The following GRM8 variants were observed in gnomAD, a reference collection of about 807,000 sequenced individuals.
GRM8 encodes glutamate metabotropic receptor 8.
In GRM8, 47 loss-of-function variants were observed where a neutral mutation model predicts 87.2. That is an observed-to-expected ratio of 0.54 (90% confidence interval 0.43 to 0.69). The LOEUF is 0.69. Ranked by LOEUF, GRM8 falls within the 30% of genes least tolerant of loss-of-function variation. GRM8 has a pLI of 0.00. For synonymous variants in GRM8, 396 were observed against 404.5 expected, an observed-to-expected ratio of 0.98 and a Z score of 0.25; for missense variants, 1,019 against 1,139.2, an observed-to-expected ratio of 0.89 and a Z score of 1.52.
At chr7:126,856,683 T>C (rs370233975) in intron 6 of GRM8, among the ~76,000 whole-genome samples, 1 of 152,184 alleles carries the variant, frequency 6.6e-6, no homozygotes, top group East Asian at 1.9e-4. Context: ...GAATTGGAAA[T>C]GGGAGCAAAT....
chr7:127,051,168 C>G (rs998778535), intron 3 of GRM8, among the ~76,000 whole-genome samples: 1 of 152,094 alleles, frequency 6.6e-6, no homozygotes, highest in African/African-American at 2.4e-5. Flanking sequence ...AAAGGTGGTC[C>G]CCACTTGGGA....
At chr7:126,677,155 C>G (rs1383447254) in intron 7 of GRM8, among the ~76,000 whole-genome samples, 1 of 152,006 alleles carries the variant, frequency 6.6e-6, no homozygotes, top group Non-Finnish European at 1.5e-5. Context: ...AATGAGATAC[C>G]ACCTATTCAG....
intron 3 of GRM8, among the ~76,000 whole-genome samples, chr7:126,958,130 T>C (rs1045929094): frequency 1.3e-5 from 2 of 152,172 alleles, no homozygotes; most frequent in African/African-American, 4.8e-5. Flanking sequence ...TCCTGAGAGC[T>C]GCTTTGTTGC....
At chr7:126,646,504 T>C (rs1265733804) in intron 7 of GRM8, among the ~76,000 whole-genome samples, 1 of 152,166 alleles carries the variant, frequency 6.6e-6, no homozygotes, top group Admixed American at 6.5e-5. Context: ...GCATTGAAAC[T>C]TCCATTTCAA....
chr7:126,957,412 C>T (rs1447076383), intron 3 of GRM8, among the ~76,000 whole-genome samples: 1 of 152,122 alleles, frequency 6.6e-6, no homozygotes, highest in Non-Finnish European at 1.5e-5. Context: ...AGTTGGAGTC[C>T]CATGCTTCTG....
At chr7:126,747,247 T>C (rs1815804781) in intron 7 of GRM8, among the ~76,000 whole-genome samples, 1 of 152,046 alleles carries the variant, frequency 6.6e-6, no homozygotes, top group African/African-American at 2.4e-5. Context: ...TTGCTATTAC[T>C]GTTTCATGCT....
chr7:126,678,881 G>A (rs1196772449), intron 7 of GRM8, among the ~76,000 whole-genome samples: 1 of 152,054 alleles, frequency 6.6e-6, no homozygotes, highest in African/African-American at 2.4e-5. Flanking sequence ...TATTGTAACT[G>A]GTAATTTGGA....
intron 3 of GRM8, among the ~76,000 whole-genome samples, chr7:126,967,864 A>G (rs1029907249): frequency 7.9e-5 from 12 of 152,214 alleles, no homozygotes; most frequent in African/African-American, 2.9e-4. Context: ...CAACTGGTTA[A>G]GTTTAAACCA....
intron 7 of GRM8, among the ~76,000 whole-genome samples, chr7:126,696,631 A>G (rs191007232): frequency 2.0e-5 from 3 of 152,182 alleles, no homozygotes; most frequent in African/African-American, 7.2e-5. Flanking sequence ...CTTTTCTCTC[A>G]TGAAATAAGA....
rs569831428 is a variant in GRM8, at chr7:126,445,620, G to A, written c.2677+506C>T. 3.9e-5 allele frequency among the ~76,000 whole-genome samples: 6 copies of A among 152,142 alleles called. No homozygotes were observed. In the East Asian group the frequency reaches 5.8e-4, roughly 15 times the overall value. On this transcript the variant is annotated intron_variant, in intron 10 of 10. Transcript: ENST00000339582. ...AGGAAGCCCAAGGAAAGGGGACCAC[G>A]TGGGAGAAACAAGTATTAACTGTGA...
chr7:126,989,540 C>T (rs1812427320), intron 3 of GRM8, among the ~76,000 whole-genome samples: 1 of 152,168 alleles, frequency 6.6e-6, no homozygotes, highest in Admixed American at 6.5e-5. Flanking sequence ...TAAACTAGAG[C>T]AGGGGTCAGG....
chr7:127,113,481 TC>T (rs1382639491), intron 2 of GRM8, among the ~76,000 whole-genome samples: 4 of 147,588 alleles, frequency 2.7e-5, no homozygotes, highest in Admixed American at 6.7e-5. Flanking sequence ...TTTGTTTTTT[TC>T]CCCCCTGCCA....
chr7:126,553,790 G>C (rs909646860), intron 8 of GRM8, among the ~76,000 whole-genome samples: 1 of 152,104 alleles, frequency 6.6e-6, no homozygotes, highest in African/African-American at 2.4e-5. Context: ...GATGATGTTT[G>C]TAAAAATGGA....
chr7:126,842,109 T>C (rs996228176), intron 6 of GRM8, among the ~76,000 whole-genome samples: 1 of 152,196 alleles, frequency 6.6e-6, no homozygotes, highest in Non-Finnish European at 1.5e-5. Context: ...AATTTAAATA[T>C]GGTTTCTCTG....
chr7:126,750,274 TCTA>T (rs1002828195), intron 7 of GRM8, among the ~76,000 whole-genome samples: 14 of 152,040 alleles, frequency 9.2e-5, no homozygotes, highest in African/African-American at 3.4e-4. Context: ...ATTAAAAAAA[TCTA>T]CTGATAGAAA....
intron 2 of GRM8, among the ~76,000 whole-genome samples, chr7:127,108,649 T>C (rs1292470676): frequency 6.6e-6 from 1 of 152,142 alleles, no homozygotes; most frequent in Admixed American, 6.5e-5. Flanking sequence ...AATTGAGTGT[T>C]TGAAACCAAA....
intron 7 of GRM8, among the ~76,000 whole-genome samples, chr7:126,734,998 A>C (rs913149164): frequency 6.6e-6 from 1 of 152,034 alleles, no homozygotes; most frequent in African/African-American, 2.4e-5. Flanking sequence ...AACCTTTTTG[A>C]AAGTTAATAT....
intron 9 of GRM8, 67 bp downstream of exon 9, chr7:126,532,885 G>A (rs1331503565): frequency 1.1e-6 from 1 of 918,258 alleles, no homozygotes; most frequent in Non-Finnish European, 1.7e-6. Context: ...ATAAAAGGAG[G>A]AAAAGCATCC....
At chr7:127,149,923 G>T (rs1266442119) in intron 2 of GRM8, among the ~76,000 whole-genome samples, 1 of 151,980 alleles carries the variant, frequency 6.6e-6, no homozygotes, top group Admixed American at 6.6e-5. Flanking sequence ...ATACAAAATA[G>T]CAGGTATGTA....
Sources: gnomAD v4.1 joint callset for allele counts (sites outside exome capture counted in the v4.1 genomes callset) on GRCh38, gnomAD v4.1.1 for gene constraint, MANE v1.5 for transcripts, NCBI Gene and HGNC (gene_info 2026-07-23, HGNC 2026-07-21) for gene names.